Variants in KCNN2 observed in about 807,000 individuals in gnomAD.
KCNN2 encodes the protein small conductance calcium-activated potassium channel protein 2.
In KCNN2, 24 loss-of-function variants were observed where a neutral mutation model predicts 55.5. The ratio of observed to expected loss-of-function variants is 0.43; its 90% CI spans 0.31 to 0.61. The LOEUF (loss-of-function observed/expected upper bound fraction) is 0.61. Among genes scored for constraint, KCNN2 ranks in the 20% least tolerant of loss-of-function variants. KCNN2 has a pLI of 0.08. For synonymous variants in KCNN2, 431 were observed against 336.1 expected (o/e 1.28, Z -3.09); for missense variants, 754 against 853.6 (o/e 0.88, Z 1.45).
chr5:114,263,432 ACTT>A (rs1755150175), intron 2 of KCNN2, among the ~76,000 whole-genome samples: 1 of 3,972 alleles, frequency 2.5e-4, no homozygotes, highest in Admixed American at 3.5e-3. Context: ...AAGCAGGTAG[ACTT>A]ATCCAGTGAA....
intron 1 of KCNN2, among the ~76,000 whole-genome samples, chr5:114,167,138 G>A (rs931729744): frequency 6.6e-6 from 1 of 152,138 alleles, no homozygotes; most frequent in Admixed American, 6.6e-5. Context: ...CCAGATATGT[G>A]AGAGAGTGAA....
chr5:114,122,568 C>T (rs1380760094), intron 1 of KCNN2, among the ~76,000 whole-genome samples: 1 of 152,142 alleles, frequency 6.6e-6, no homozygotes, highest in African/African-American at 2.4e-5. Context: ...TGCCAAGTGT[C>T]CTTCACTCCC....
chr5:114,439,966 C>T (rs1337972937), intron 3 of KCNN2, among the ~76,000 whole-genome samples: 2 of 152,102 alleles, frequency 1.3e-5, no homozygotes, highest in Admixed American at 1.3e-4. Flanking sequence ...CCTTGAATTG[C>T]ATGGTGGAAG....
chr5:114,272,681 A>G (rs931219520), intron 2 of KCNN2, among the ~76,000 whole-genome samples: 1 of 152,098 alleles, frequency 6.6e-6, no homozygotes, highest in East Asian at 1.9e-4. Context: ...GCTTATTCAT[A>G]TATATTTTTA....
chr5:114,358,309 G>T (rs1420806424), upstream of KCNN2, among the ~76,000 whole-genome samples: 1 of 152,006 alleles, frequency 6.6e-6, no homozygotes, highest in East Asian at 1.9e-4. Context: ...AGGAGATGAA[G>T]TTTTTTTCCC....
intron 2 of KCNN2, among the ~76,000 whole-genome samples, chr5:114,340,561 G>T (rs772125634): frequency 6.6e-6 from 1 of 151,894 alleles, no homozygotes; most frequent in Non-Finnish European, 1.5e-5. Context: ...ATATATTTAA[G>T]GTATAGAACA....
At chr5:114,319,345 G>C (rs1424809129) in intron 2 of KCNN2, among the ~76,000 whole-genome samples, 1 of 152,132 alleles carries the variant, frequency 6.6e-6, no homozygotes. Context: ...TGAAGACAGA[G>C]AAAGCAGAAG....
intron 1 of KCNN2, among the ~76,000 whole-genome samples, chr5:114,177,878 G>C (rs1476165079): frequency 6.6e-6 from 1 of 152,036 alleles, no homozygotes; most frequent in African/African-American, 2.4e-5. Flanking sequence ...TTAGACATCG[G>C]ATTAAATCAA....
chr5:114,170,282 A>G (rs1239953579), intron 1 of KCNN2, among the ~76,000 whole-genome samples: 12 of 152,070 alleles, frequency 7.9e-5, no homozygotes, highest in Admixed American at 7.9e-4. Flanking sequence ...TTTACCTCAC[A>G]ATATATTTTA....
At position 114,314,034 on chromosome 5, in the gene KCNN2, G is replaced by A. The variant is rs182280458; in HGVS notation, c.-184-46911G>A. Among the ~76,000 whole-genome samples, 86 of 152,180 alleles carry A rather than the reference G, an allele frequency of 5.7e-4. 2 individuals are homozygous for A. The highest frequency in any genetic ancestry group is 4.8e-3 in the Admixed American group (73 of 15,272). On this transcript the variant is annotated intron_variant, in intron 2 of 10. Transcript: ENST00000512097. ...TTGATCAACAGCTTTGGCACAGGGA[G>A]TAGCACTCACTAAAATGATTTCGTG...
intron 2 of KCNN2, among the ~76,000 whole-genome samples, chr5:114,255,500 G>A (rs541733963): frequency 2.6e-5 from 4 of 152,344 alleles, no homozygotes; most frequent in African/African-American, 9.6e-5. Flanking sequence ...AGCGGTGAGA[G>A]AGAAACACAT....
At chr5:114,276,233 T>A (rs6594812) in intron 2 of KCNN2, among the ~76,000 whole-genome samples, 136,496 of 152,114 alleles carry the variant, frequency 0.9, 61,650 homozygotes, top group East Asian at 0.94. Flanking sequence ...TTTGCTGAGG[T>A]GTGTTTTACT....
At chr5:114,397,298 A>T (rs1275055704) in intron 2 of KCNN2, among the ~76,000 whole-genome samples, 6 of 152,156 alleles carry the variant, frequency 3.9e-5, no homozygotes, top group Non-Finnish European at 7.3e-5. Context: ...GAAATCATCA[A>T]ATTGCTTTCC....
At chr5:114,215,406 C>CT (rs36073021) in intron 1 of KCNN2, among the ~76,000 whole-genome samples, 1 of 152,068 alleles carries the variant, frequency 6.6e-6, no homozygotes. Context: ...AGGAGAGTTA[C>CT]TTTTTTTCAT....
intron 2 of KCNN2, among the ~76,000 whole-genome samples, chr5:114,267,968 A>T (rs1580675729): frequency 6.6e-6 from 1 of 152,058 alleles, no homozygotes; most frequent in African/African-American, 2.4e-5. Flanking sequence ...GGAGAATGTT[A>T]TGTCCTTTGC....
intron 2 of KCNN2, among the ~76,000 whole-genome samples, chr5:114,253,225 G>C (rs1754911945): frequency 6.9e-6 from 1 of 144,832 alleles, no homozygotes; most frequent in Non-Finnish European, 1.5e-5. Context: ...ATTTCTCCTA[G>C]TGCCTTCAAC....
At chr5:114,160,319 T>G (rs1409815736) in intron 1 of KCNN2, among the ~76,000 whole-genome samples, 1 of 152,122 alleles carries the variant, frequency 6.6e-6, no homozygotes, top group African/African-American at 2.4e-5. Flanking sequence ...CGGCTTTGAG[T>G]GAGTTTCTTA....
intron 2 of KCNN2, among the ~76,000 whole-genome samples, chr5:114,389,066 C>G (rs1301333477): frequency 1.3e-5 from 2 of 151,568 alleles, no homozygotes; most frequent in Non-Finnish European, 3.0e-5. Context: ...TTTTTTGAGA[C>G]CTTGTATCTG....
At chr5:114,235,399 T>C (rs1415778764) in intron 2 of KCNN2, among the ~76,000 whole-genome samples, 1 of 152,208 alleles carries the variant, frequency 6.6e-6, no homozygotes, top group East Asian at 1.9e-4. Context: ...GCGTTAAAAA[T>C]GATGAAATTC....
Sources: allele counts gnomAD v4.1 joint callset (sites outside exome capture counted in the v4.1 genomes callset), GRCh38; gene constraint gnomAD v4.1.1; transcripts MANE v1.5; gene names NCBI Gene and HGNC (gene_info 2026-07-23, HGNC 2026-07-21).